RPTOR: variants seen among roughly 807,000 people sequenced by gnomAD.
The protein encoded by RPTOR is regulatory-associated protein of mTOR.
Under a neutral mutation model 169.9 loss-of-function variants are expected in RPTOR, and 21 were observed. That is an observed-to-expected ratio of 0.12 (90% CI 0.09 to 0.18). The LOEUF (loss-of-function observed/expected upper bound fraction) is 0.18. RPTOR is among the 10% of genes least tolerant of loss of function. The probability of loss-of-function intolerance (pLI) is 1.00; values close to 1 mark genes in which losing one functional copy is unlikely to be tolerated. For missense variants in RPTOR, 1,133 were observed against 1,855.9 expected (o/e 0.61, Z 7.16); for synonymous variants, 732 against 753.2 (o/e 0.97, Z 0.46).
intron 3 of RPTOR, among the ~76,000 whole-genome samples, chr17:80,661,490 G>A (rs2065723538): frequency 6.6e-6 from 1 of 152,160 alleles, no homozygotes; most frequent in African/African-American, 2.4e-5. Context: ...ACGGTGTTGA[G>A]CCGTTGATGG....
At position 80,563,565 on chromosome 17, in the gene RPTOR, CAAAA is replaced by C. The variant is rs10649649; in HGVS notation, c.162+17788_162+17791del. Among the ~76,000 whole-genome samples, 9 of 94,206 alleles carry C rather than the reference CAAAA, an allele frequency of 9.6e-5. No individual in the cohort carries two copies. The Admixed American group carries it at 1.1e-3, about 12-fold the overall frequency. The allele number at this position is 94,206 out of a possible 152,430, so 61.8% of individuals were successfully genotyped here. On this transcript the variant is annotated intron_variant, in intron 1 of 33. Coordinates refer to ENST00000306801, the MANE Select transcript of RPTOR (RefSeq NM_020761.3). ...GGATAACACAGCGAGACTAAGTCTC[CAAAA>C]AAAAAAAAAAAAAGATAATAAATAA...
At chr17:80,877,738 C>A (rs2068137939) in intron 13 of RPTOR, among the ~76,000 whole-genome samples, 1 of 152,184 alleles carries the variant, frequency 6.6e-6, no homozygotes, top group African/African-American at 2.4e-5. Flanking sequence ...GTTTATTTGT[C>A]AAAACCTTCA....
At chr17:80,756,955 T>C (rs2066686809) in intron 6 of RPTOR, among the ~76,000 whole-genome samples, 1 of 151,830 alleles carries the variant, frequency 6.6e-6, no homozygotes, top group Non-Finnish European at 1.5e-5. Context: ...AAAGCAGAAA[T>C]AGGGGTAGGT....
At chr17:80,577,026 C>T (rs2064969551) in intron 1 of RPTOR, among the ~76,000 whole-genome samples, 2 of 144,974 alleles carry the variant, frequency 1.4e-5, no homozygotes, top group Non-Finnish European at 1.5e-5. Context: ...TTTATTCAGT[C>T]ATAATTCTTT....
chr17:80,894,513 G>T (rs1461648624), intron 20 of RPTOR, among the ~76,000 whole-genome samples: 1 of 152,220 alleles, frequency 6.6e-6, no homozygotes, highest in Non-Finnish European at 1.5e-5. Context: ...GCCATGAATG[G>T]TGTGTGCCTG....
chr17:80,807,955 A>G (rs2067236093), intron 7 of RPTOR, among the ~76,000 whole-genome samples: 1 of 152,150 alleles, frequency 6.6e-6, no homozygotes, highest in East Asian at 1.9e-4. Flanking sequence ...TCCTTGGGCC[A>G]TAGTTTTGGT....
chr17:80,894,167 A>G (rs1218026333), intron 20 of RPTOR, among the ~76,000 whole-genome samples: 1 of 152,140 alleles, frequency 6.6e-6, no homozygotes. Context: ...TAGACGGGTG[A>G]GAGTTCTTCA....
chr17:80,815,339 A>G (rs1170416497), intron 7 of RPTOR, among the ~76,000 whole-genome samples: 1 of 152,212 alleles, frequency 6.6e-6, no homozygotes, highest in Non-Finnish European at 1.5e-5. Flanking sequence ...TGCCACTCCA[A>G]CTCGGAGGTG....
At chr17:80,559,521 C>T (rs1199723410) in intron 1 of RPTOR, among the ~76,000 whole-genome samples, 3 of 152,212 alleles carry the variant, frequency 2.0e-5, no homozygotes, top group East Asian at 1.9e-4. Context: ...AAGCCACGAA[C>T]GTGTGCATTT....
chr17:80,844,236 G>A lies in RPTOR; in HGVS notation c.1213-2237G>A, dbSNP rs1483887768. On this transcript the variant is annotated intron_variant, in intron 10 of 33. Coordinates refer to ENST00000306801, the MANE Select transcript of RPTOR (RefSeq NM_020761.3). This position sits in a 1 kb window ranked among gnomAD's most constrained non-coding sequence, Gnocchi z 4.7. ...TTCGTCAGCCTCCCCGTGGCTTTAG[G>A]GAGCTTCACGGGCTTCACCGCGCAC... 6.6e-6 allele frequency among the ~76,000 whole-genome samples: 1 copy of A among 152,156 alleles called. No homozygotes were observed. Among genetic ancestry groups the A allele is most frequent in the Non-Finnish European group, 1.5e-5 (1 of 68,026 alleles).
At chr17:80,581,624 C>T (rs910054585) in intron 1 of RPTOR, among the ~76,000 whole-genome samples, 1 of 151,122 alleles carries the variant, frequency 6.6e-6, no homozygotes, top group Admixed American at 6.6e-5. Flanking sequence ...GCAGTGGAGA[C>T]CGCACATCGG....
Position 80,845,853 on chromosome 17 carries a change from C to T in RPTOR, c.1213-620C>T, listed in dbSNP as rs193156461. On this transcript the variant is annotated intron_variant, in intron 10 of 33. Coordinates refer to ENST00000306801, the MANE Select transcript of RPTOR (RefSeq NM_020761.3). This position sits in a 1 kb window ranked among gnomAD's most constrained non-coding sequence, Gnocchi z 5.4. ...TCCGGGGCCCAGTCAGCTCTCCATC[C>T]TTATCTCGCCTGGCCCGGTGCTGGT... 3.9e-5 allele frequency among the ~76,000 whole-genome samples: 6 copies of T among 152,346 alleles called. No individual in the cohort carries two copies. Among genetic ancestry groups the T allele is most frequent in the Non-Finnish European group, 1.5e-5 (1 of 68,038 alleles).
chr17:80,846,393 C>T, intron 10 of RPTOR, 80 bp from the exon 11 acceptor site: 1 of 1,407,502 alleles, frequency 7.1e-7, no homozygotes, highest in East Asian at 2.3e-5. Context: ...GCTTGGATGC[C>T]CGGCAGGTGG....
chr17:80,891,306 T>C (rs2068319992), intron 17 of RPTOR, among the ~76,000 whole-genome samples: 1 of 152,270 alleles, frequency 6.6e-6, no homozygotes, highest in Non-Finnish European at 1.5e-5. Flanking sequence ...GGCGCTCAGA[T>C]TCAGAAAGGC....
chr17:80,789,561 CTCCGACTCGG>C (rs1419367973), intron 6 of RPTOR, among the ~76,000 whole-genome samples: 1 of 152,204 alleles, frequency 6.6e-6, no homozygotes, highest in African/African-American at 2.4e-5. Context: ...AGGAGCCAGC[CTCCGACTCGG>C]GGAAGGTTTA....
rs543899826 is a variant in RPTOR, at chr17:80,961,611, G to A, written c.3692+131G>A. ...TCGGGCAGTAATTAACTCCTGCCCTGGAACTGGCCAGAAAGATCAGGCGCA... is the reference window on the plus strand; with the variant it reads ...TCGGGCAGTAATTAACTCCTGCCCTAGAACTGGCCAGAAAGATCAGGCGCA... On this transcript the variant is annotated intron_variant, in intron 31 of 33. Transcript: ENST00000306801. 6.7e-6 allele frequency: 7 copies of A among 1,043,728 alleles called. No individual in the cohort carries two copies. The East Asian group carries it at 1.9e-4, about 28-fold the overall frequency. The allele number at this position is 1,043,728 out of a possible 1,614,324, so 64.7% of individuals were successfully genotyped here.
At chr17:80,606,762 T>C (rs1389955635) in intron 1 of RPTOR, among the ~76,000 whole-genome samples, 2 of 151,912 alleles carry the variant, frequency 1.3e-5, no homozygotes, top group African/African-American at 4.8e-5. Context: ...TCCAACCACC[T>C]ACCTACCCTT....
intron 10 of RPTOR, among the ~76,000 whole-genome samples, chr17:80,843,715 G>A (rs1026212854): frequency 3.9e-5 from 6 of 152,186 alleles, no homozygotes; most frequent in East Asian, 3.8e-4. Flanking sequence ...TTGTCAGGAC[G>A]GAGAGTAGCC....
At chr17:80,755,417 C>G (rs904290828) in intron 6 of RPTOR, among the ~76,000 whole-genome samples, 1 of 151,970 alleles carries the variant, frequency 6.6e-6, no homozygotes, top group African/African-American at 2.4e-5. Flanking sequence ...GCCTGGGCAA[C>G]ATAGGGAGAC....
Sources: gnomAD v4.1 joint callset for allele counts (sites outside exome capture counted in the v4.1 genomes callset) on GRCh38, gnomAD v4.1.1 for gene constraint, Gnocchi (gnomAD v3.1) non-coding constraint, MANE v1.5 for transcripts, NCBI Gene and HGNC (gene_info 2026-07-23, HGNC 2026-07-21) for gene names.